The following SFRP2 variants were observed in gnomAD, a reference collection of about 807,000 sequenced individuals.
SFRP2 encodes the protein secreted frizzled related protein 2.
A neutral mutation model predicts 26.0 loss-of-function variants in SFRP2; 16 were observed. That is an observed-to-expected ratio of 0.61 (90% CI 0.42 to 0.93). The LOEUF is 0.93. Among genes scored for constraint, SFRP2 ranks in the 40% least tolerant of loss-of-function variants. The pLI is 0.00. For missense variants in SFRP2, 343 were observed against 392.4 expected, an observed-to-expected ratio of 0.87 and a Z score of 1.06; for synonymous variants, 173 against 167.3, an observed-to-expected ratio of 1.03 and a Z score of -0.26.
chr4:153,788,481 C>T lies in SFRP2; in HGVS notation c.355G>A (p.Val119Met). ...GGGGCGCAGCGGTCCTTCACCTGCACGCAGAGCGAGTGGCATGGCTGGATG... is the reference window on the plus strand; with the variant it reads ...GGGGCGCAGCGGTCCTTCACCTGCATGCAGAGCGAGTGGCATGGCTGGATG... Reference protein sequence around the residue: ...ETIQPCHSLCVQVKDRCAPVM... With the variant: ...ETIQPCHSLCMQVKDRCAPVM... Residue 119 changes from valine to methionine, a missense_variant, in exon 1 of 3, where the codon GTG becomes ATG. Physicochemically the swap from Val to Met is conservative, Grantham distance 21. Around this residue, in one of 2 missense-constraint regions of SFRP2, gnomAD observed 251 missense variants for 253.3 expected, o/e 0.99. Transcript: ENST00000274063. 2 of 1,614,190 alleles carry T rather than the reference C, an allele frequency of 1.2e-6. No individual in the cohort carries two copies. Among genetic ancestry groups the T allele is most frequent in the East Asian group, 2.2e-5 (1 of 44,878 alleles).
chr4:153,782,086 C>G (rs1560809941), intron 2 of SFRP2, among the ~76,000 whole-genome samples: 1 of 152,200 alleles, frequency 6.6e-6, no homozygotes, highest in Non-Finnish European at 1.5e-5. Flanking sequence ...TGTGCTCTCT[C>G]CAACAAATGA....
intron 2 of SFRP2, among the ~76,000 whole-genome samples, chr4:153,783,702 G>A (rs1463463309): frequency 1.3e-5 from 2 of 152,178 alleles, no homozygotes; most frequent in Non-Finnish European, 2.9e-5. Context: ...GTAGGGAAGA[G>A]GTGATGCCTT....
At chr4:153,785,704 A>T (rs1741193741) in intron 2 of SFRP2, among the ~76,000 whole-genome samples, 160 bp downstream of exon 2, 1 of 152,206 alleles carries the variant, frequency 6.6e-6, no homozygotes, top group Non-Finnish European at 1.5e-5. Context: ...ATAAGGAGGA[A>T]ACTAGGATAG....
At chr4:153,782,921 TG>T (rs1741145931) in intron 2 of SFRP2, among the ~76,000 whole-genome samples, 2 of 12,590 alleles carry the variant, frequency 1.6e-4, no homozygotes, top group Admixed American at 2.2e-3. Flanking sequence ...GTTTAATCTA[TG>T]TTTAAATTAG....
chr4:153,783,962 TTCTC>T (rs1399150246), intron 2 of SFRP2, among the ~76,000 whole-genome samples: 1 of 152,194 alleles, frequency 6.6e-6, no homozygotes, highest in Admixed American at 6.5e-5. Flanking sequence ...TTGAAAGGCT[TTCTC>T]TCTGTAAGGA....
chr4:153,788,262 C>T, intron 1 of SFRP2, 72 bp downstream of exon 1: 5 of 1,529,710 alleles, frequency 3.3e-6, no homozygotes, highest in South Asian at 1.2e-5. Flanking sequence ...CACTGGGATG[C>T]GTGGCAGGGG....
At position 153,781,299 on chromosome 4, in the gene SFRP2, G is replaced by A. The variant is rs1741116327; in HGVS notation, c.*152C>T. The A allele has an allele frequency of 3.1e-6, 2 of 650,258 alleles. No homozygotes were observed. The highest frequency in any genetic ancestry group is 5.3e-6 in the Non-Finnish European group (2 of 379,492). The allele number at this position is 650,258 out of a possible 1,614,324, so 40.3% of individuals were successfully genotyped here. A position where few individuals can be genotyped will look rare whatever the true frequency, so the allele number is the denominator to read the frequency against. On this transcript the variant is annotated 3_prime_UTR_variant, in exon 3 of 3. Coordinates refer to ENST00000274063, the MANE Select transcript of SFRP2 (RefSeq NM_003013.3). The stretch of plus-strand genomic sequence containing the variant: ...TGGCCTTATAACTCAGGAAATGCTG[G>A]GGATGCAAACGTGCAAAAGGCAGGG...
rs966033710 is a variant in SFRP2, at chr4:153,788,713, C to T, written c.123G>A (p.Lys41=). ...ACAGCTGCAGGTTGGCAGGGATGGG[C>T]TTGCAATTGCTGCGCTTGTAGGAGA... is the stretch of plus-strand genomic sequence containing the variant. ...PDFSYKRSNC[K]PIPANLQLCH... The change falls in exon 1 of 3, where the codon AAG becomes AAA. Residue 41 remains lysine, a synonymous_variant. Transcript: ENST00000274063. 2.5e-6 allele frequency: 4 copies of T among 1,613,802 alleles called. No homozygotes were observed. The highest frequency in any genetic ancestry group is 1.7e-5 in the Admixed American group (1 of 60,008).
At chr4:153,783,484 A>C (rs1044804909) in intron 2 of SFRP2, among the ~76,000 whole-genome samples, 4 of 152,186 alleles carry the variant, frequency 2.6e-5, no homozygotes, top group African/African-American at 9.6e-5. Context: ...CTGGATTTTC[A>C]GCTAGGCCCA....
Position 153,788,461 on chromosome 4 carries a change from G to C in SFRP2, c.375C>G (p.Cys125Trp). ...HSLCVQVKDR[C>W]APVMSAFGFP... ...AGCCGAAGGCGGACATGACCGGGGC[G>C]CAGCGGTCCTTCACCTGCACGCAGA... The change falls in exon 1 of 3, where the codon TGC becomes TGG. Residue 125 changes from cysteine (C) to tryptophan (W), a missense_variant. Physicochemically the swap from Cys to Trp is radical, Grantham distance 215. This residue lies in a region of SFRP2 where 251 missense variants were observed against 253.3 expected (regional missense o/e 0.99). Transcript: ENST00000274063. 1 of 1,614,206 alleles carries C rather than the reference G, an allele frequency of 6.2e-7. No individual in the cohort carries two copies. Among genetic ancestry groups the C allele is most frequent in the Non-Finnish European group, 8.5e-7 (1 of 1,180,046 alleles).
chr4:153,785,864 C>A lies in SFRP2; in HGVS notation c.583G>T (p.Ala195Ser). 1.3e-6 allele frequency: 2 copies of A among 1,573,020 alleles called. No individual in the cohort carries two copies. Among genetic ancestry groups the A allele is most frequent in the Admixed American group, 1.8e-5 (1 of 54,094 alleles). Residue 195 changes from alanine (A) to serine (S), a missense_variant and splice_region_variant, in exon 2 of 3, where the codon GCA becomes TCA. Physicochemically the swap from Ala to Ser is moderately conservative, Grantham distance 99 (BLOSUM62 1). Coordinates refer to ENST00000274063, the MANE Select transcript of SFRP2 (RefSeq NM_003013.3). The stretch of plus-strand genomic sequence containing the variant: ...CTGTTGTTGTTGTTGTATTACTTAC[C>A]AAAATCATTTTTACAAAGCGTTTCC... ...IMETLCKNDF[A>S]LKIKVKEITY...
chr4:153,789,059 G>C lies in SFRP2; in HGVS notation c.-224C>G. 2.0e-6 allele frequency: 1 copy of C among 509,050 alleles called. No homozygotes were observed. The highest frequency in any genetic ancestry group is 3.4e-6 in the Non-Finnish European group (1 of 295,706). 31.5% of individuals were successfully genotyped at this position (509,050 alleles called of 1,614,324 possible). A position where few individuals can be genotyped will look rare whatever the true frequency, so the allele number is the denominator to read the frequency against. Reference sequence around the variant, plus strand: ...AGCTCCGGGGGGCTCCGACCCGGGGGAGCAGAATGAGCCGTTGCTGGGGCA... The same window carrying C: ...AGCTCCGGGGGGCTCCGACCCGGGGCAGCAGAATGAGCCGTTGCTGGGGCA... On this transcript the variant is annotated 5_prime_UTR_variant, in exon 1 of 3. Coordinates refer to ENST00000274063, the MANE Select transcript of SFRP2 (RefSeq NM_003013.3).
intron 2 of SFRP2, among the ~76,000 whole-genome samples, chr4:153,783,081 CTA>C (rs1172522882): frequency 6.6e-6 from 1 of 151,768 alleles, no homozygotes; most frequent in African/African-American, 2.4e-5. Context: ...ATCAAAAATG[CTA>C]TGACTTGGCC....
At chr4:153,783,811 A>G (rs1741158459) in intron 2 of SFRP2, among the ~76,000 whole-genome samples, 1 of 152,228 alleles carries the variant, frequency 6.6e-6, no homozygotes, top group Admixed American at 6.5e-5. Context: ...TAGTGCTTAT[A>G]AACCAATAAT....
chr4:153,789,005 C>A lies in SFRP2; in HGVS notation c.-170G>T, dbSNP rs977592268. 1.5e-6 allele frequency: 1 copy of A among 661,714 alleles called. No individual in the cohort carries two copies. Among genetic ancestry groups the A allele is most frequent in the Non-Finnish European group, 2.3e-6 (1 of 443,138 alleles). The allele number at this position is 661,714 out of a possible 1,614,324, so 41.0% of individuals were successfully genotyped here. A position where few individuals can be genotyped will look rare whatever the true frequency, so the allele number is the denominator to read the frequency against. On this transcript the variant is annotated 5_prime_UTR_variant, in exon 1 of 3. Transcript: ENST00000274063. ...GAGAAGCGGGACACCGGGAGGACAG[C>A]GCGGGCGAGGCGCTGCAAGCCCGCG...
intron 2 of SFRP2, 151 bp from the exon 3 acceptor site, chr4:153,781,906 T>C: frequency 2.9e-6 from 2 of 686,724 alleles, no homozygotes; most frequent in Non-Finnish European, 5.0e-6. Context: ...AGATCGGGGG[T>C]TGGGAGCTAG....
At chr4:153,781,817 C>A in intron 2 of SFRP2, 62 bp from the exon 3 acceptor site, 1 of 1,404,886 alleles carries the variant, frequency 7.1e-7, no homozygotes, top group East Asian at 2.3e-5. Flanking sequence ...ATACCTCCCC[C>A]CATTCTGCCA....
chr4:153,782,012 T>G (rs1172659954), intron 2 of SFRP2, among the ~76,000 whole-genome samples: 1 of 152,202 alleles, frequency 6.6e-6, no homozygotes, highest in African/African-American at 2.4e-5. Flanking sequence ...TTTGCGGGAC[T>G]CAATTAACTT....
intron 1 of SFRP2, among the ~76,000 whole-genome samples, chr4:153,786,174 A>T (rs1209977419): frequency 6.6e-6 from 1 of 152,102 alleles, no homozygotes; most frequent in African/African-American, 2.4e-5. Context: ...GAATGCCTAT[A>T]TGTTGTTGTG....
Sources: gnomAD v4.1 joint callset for allele counts (sites outside exome capture counted in the v4.1 genomes callset) on GRCh38, gnomAD v4.1.1 for gene constraint, gnomAD v4.1.1 regional missense constraint, MANE v1.5 for transcripts, NCBI Gene and HGNC (gene_info 2026-07-23, HGNC 2026-07-21) for gene names.